The following POFUT3 variants were observed in gnomAD, a reference collection of about 807,000 sequenced individuals.
POFUT3 encodes the protein protein O-fucosyltransferase 3.
the POFUT3 span, among the ~76,000 whole-genome samples, chr8:33,410,926 G>C: frequency 1.3e-5 from 2 of 152,254 alleles, no homozygotes; most frequent in East Asian, 3.9e-4. Flanking sequence ...CAGGCAGGCT[G>C]CCTGTTCCTG....
chr8:33,444,933 C>CTTT, the POFUT3 span, among the ~76,000 whole-genome samples: 2,218 of 121,630 alleles, frequency 0.018, 138 homozygotes, highest in African/African-American at 0.04. Flanking sequence ...TGACCTTCAT[C>CTTT]TTTTTTTTTT....
chr8:33,373,935 A>G, the POFUT3 span, among the ~76,000 whole-genome samples: 1 of 152,274 alleles, frequency 6.6e-6, no homozygotes, highest in South Asian at 2.1e-4. Flanking sequence ...CAAAGTTAAC[A>G]TTACCAGTTA....
chr8:33,378,057 T>C, the POFUT3 span, among the ~76,000 whole-genome samples: 2 of 152,182 alleles, frequency 1.3e-5, no homozygotes, highest in African/African-American at 2.4e-5. Flanking sequence ...GATGCCCAGA[T>C]ACAAAAATGA....
chr8:33,360,193 C>A, the POFUT3 span, among the ~76,000 whole-genome samples: 32 of 152,094 alleles, frequency 2.1e-4, no homozygotes, highest in African/African-American at 6.7e-4. Context: ...ACCTGTAATC[C>A]CACCACTTTG....
the POFUT3 span, chr8:33,436,446 G>C: frequency 6.9e-7 from 1 of 1,440,532 alleles, no homozygotes; most frequent in African/African-American, 1.4e-5. Flanking sequence ...AGGTGGGACT[G>C]ATGTTGCCCA....
At chr8:33,350,971 CTTTATT>C in the POFUT3 span, among the ~76,000 whole-genome samples, 14 of 152,118 alleles carry the variant, frequency 9.2e-5, no homozygotes, top group African/African-American at 2.9e-4. Flanking sequence ...CAACAAAGTT[CTTTATT>C]TTTATTTTTA....
chr8:33,454,551 G>A, the POFUT3 span, among the ~76,000 whole-genome samples: 1 of 152,170 alleles, frequency 6.6e-6, no homozygotes, highest in Non-Finnish European at 1.5e-5. Flanking sequence ...AGGGATCAGG[G>A]AGTGGACACA....
the POFUT3 span, among the ~76,000 whole-genome samples, chr8:33,472,829 G>T: frequency 2.0e-5 from 3 of 152,322 alleles, no homozygotes; most frequent in African/African-American, 7.2e-5. Flanking sequence ...CAGTGGCTCT[G>T]CCTTTGCGCC....
At chr8:33,406,502 T>A in the POFUT3 span, among the ~76,000 whole-genome samples, 1 of 152,060 alleles carries the variant, frequency 6.6e-6, no homozygotes, top group African/African-American at 2.4e-5. Flanking sequence ...AGTGGCAAGA[T>A]CACGGCTCAC....
the POFUT3 span, among the ~76,000 whole-genome samples, chr8:33,470,305 C>G: frequency 6.7e-6 from 1 of 149,964 alleles, no homozygotes; most frequent in Admixed American, 6.6e-5. Context: ...AGTCATAGTC[C>G]CAGCTACCAG....
chr8:33,428,194 G>C, the POFUT3 span, among the ~76,000 whole-genome samples: 1 of 152,096 alleles, frequency 6.6e-6, no homozygotes, highest in Non-Finnish European at 1.5e-5. Context: ...CAATACCTAA[G>C]ACTAAAAGAC....
At chr8:33,424,188 T>C in the POFUT3 span, among the ~76,000 whole-genome samples, 1 of 151,936 alleles carries the variant, frequency 6.6e-6, no homozygotes, top group Non-Finnish European at 1.5e-5. Context: ...CCATGGGAAT[T>C]AGGGTTAAAA....
the POFUT3 span, among the ~76,000 whole-genome samples, chr8:33,326,407 A>G: frequency 2.0e-5 from 3 of 152,348 alleles, no homozygotes; most frequent in East Asian, 5.8e-4. Context: ...TTCAAATGTG[A>G]CAAATATAAA....
At chr8:33,362,247 T>C in the POFUT3 span, among the ~76,000 whole-genome samples, 3 of 151,996 alleles carry the variant, frequency 2.0e-5, no homozygotes, top group African/African-American at 4.8e-5. Context: ...CAGGCCTGCC[T>C]TACAAGAGCG....
chr8:33,310,166 T>G, the POFUT3 span, among the ~76,000 whole-genome samples: 4 of 152,182 alleles, frequency 2.6e-5, no homozygotes, highest in Non-Finnish European at 4.4e-5. Flanking sequence ...AGAATTCTTC[T>G]TATGACTCCT....
the POFUT3 span, chr8:33,461,588 C>A: frequency 6.5e-7 from 1 of 1,541,684 alleles, no homozygotes; most frequent in South Asian, 1.2e-5. Flanking sequence ...CCTGCTGGGA[C>A]CAGGTCTCCA....
At chr8:33,316,883 C>T in the POFUT3 span, among the ~76,000 whole-genome samples, 2 of 152,096 alleles carry the variant, frequency 1.3e-5, no homozygotes, top group East Asian at 3.8e-4. Flanking sequence ...ATCCTATGGC[C>T]CTGTCTTGAG....
At chr8:33,389,936 T>G in the POFUT3 span, 2 of 645,758 alleles carry the variant, frequency 3.1e-6, no homozygotes, top group Admixed American at 5.8e-5. Flanking sequence ...GGCTCACGCC[T>G]GTAATCCCAG....
At chr8:33,314,287 T>C in the POFUT3 span, among the ~76,000 whole-genome samples, 4 of 152,312 alleles carry the variant, frequency 2.6e-5, no homozygotes, top group Admixed American at 2.0e-4. Flanking sequence ...CTCTTCTCAC[T>C]GCCTTGTGAC....
Sources: allele counts gnomAD v4.1 joint callset (sites outside exome capture counted in the v4.1 genomes callset), GRCh38; gene constraint gnomAD v4.1.1; transcripts MANE v1.5; gene names NCBI Gene and HGNC (gene_info 2026-07-23, HGNC 2026-07-21).